The following BTBD9 variants were observed in gnomAD, a reference collection of about 807,000 sequenced individuals.
BTBD9 encodes the protein BTB/POZ domain-containing protein 9.
Under a neutral mutation model 64.3 loss-of-function variants are expected in BTBD9, and 49 were observed. That is an observed-to-expected ratio of 0.76 (90% CI 0.61 to 0.97). The LOEUF (loss-of-function observed/expected upper bound fraction) is 0.97, where lower values mean the gene tolerates loss of function less well. Ranked by LOEUF, BTBD9 falls within the 50% of genes least tolerant of loss-of-function variation. The probability of loss-of-function intolerance (pLI) is 0.00; values close to 1 mark genes in which losing one functional copy is unlikely to be tolerated. For synonymous variants in BTBD9, 260 were observed against 274.7 expected (o/e 0.95, Z 0.53); for missense variants, 598 against 762.1 (o/e 0.78, Z 2.53).
chr6:38,200,793 G>A (rs1362869676), intron 9 of BTBD9, among the ~76,000 whole-genome samples: 1 of 152,150 alleles, frequency 6.6e-6, no homozygotes, highest in Non-Finnish European at 1.5e-5. Context: ...ACAAAGAAAA[G>A]CTCAGGACCT....
At chr6:38,242,799 C>G (rs9296241) in intron 9 of BTBD9, among the ~76,000 whole-genome samples, 16,249 of 152,276 alleles carry the variant, frequency 0.11, 1,278 homozygotes, top group East Asian at 0.45. Flanking sequence ...GGAAAAGCTG[C>G]TCCTATACTT....
chr6:38,622,971 T>C (rs1211867120), intron 1 of BTBD9, among the ~76,000 whole-genome samples: 4 of 152,168 alleles, frequency 2.6e-5, no homozygotes, highest in East Asian at 3.8e-4. Flanking sequence ...TGGTTCCTAG[T>C]AGATACAAAA....
intron 6 of BTBD9, among the ~76,000 whole-genome samples, chr6:38,406,406 CTG>C (rs1767166508): frequency 6.6e-6 from 1 of 152,102 alleles, no homozygotes; most frequent in Non-Finnish European, 1.5e-5. Context: ...CCACATCACA[CTG>C]TAGAGGAATA....
chr6:38,498,242 G>T (rs1346280531), intron 6 of BTBD9, among the ~76,000 whole-genome samples: 1 of 152,132 alleles, frequency 6.6e-6, no homozygotes, highest in East Asian at 1.9e-4. Context: ...CCACAACTAG[G>T]TTGTTCCAGG....
intron 9 of BTBD9, among the ~76,000 whole-genome samples, chr6:38,195,883 G>A (rs541030322): frequency 7.9e-5 from 12 of 152,306 alleles, no homozygotes; most frequent in South Asian, 2.1e-4. Context: ...AGCTTTGGAC[G>A]GAAGAATTTC....
At chr6:38,234,647 C>A (rs1215560808) in intron 9 of BTBD9, among the ~76,000 whole-genome samples, 1 of 152,132 alleles carries the variant, frequency 6.6e-6, no homozygotes, top group African/African-American at 2.4e-5. Flanking sequence ...GCCCTTGGAG[C>A]CCAGCACCAA....
chr6:38,471,389 C>T (rs75346658), intron 6 of BTBD9, among the ~76,000 whole-genome samples: 2,711 of 152,226 alleles, frequency 0.018, 73 homozygotes, highest in African/African-American at 0.061. Flanking sequence ...CCCAAGGAAT[C>T]CGACCCACTA....
intron 6 of BTBD9, among the ~76,000 whole-genome samples, chr6:38,456,170 T>C (rs546868450): frequency 6.6e-6 from 1 of 152,050 alleles, no homozygotes; most frequent in South Asian, 2.1e-4. Context: ...GTATCTTTAG[T>C]AGACAGGAGG....
chr6:38,312,698 C>T (rs891453826), intron 7 of BTBD9, among the ~76,000 whole-genome samples: 3 of 152,152 alleles, frequency 2.0e-5, no homozygotes, highest in African/African-American at 7.2e-5. Flanking sequence ...GCACCTTTGT[C>T]GAAAATGAGT....
chr6:38,312,143 G>A (rs111656801), intron 7 of BTBD9, among the ~76,000 whole-genome samples: 4,616 of 152,050 alleles, frequency 0.03, 220 homozygotes, highest in African/African-American at 0.11. Context: ...TTACAGGAGT[G>A]AGCCACCATG....
At chr6:38,530,630 A>G (rs1409380777) in intron 6 of BTBD9, among the ~76,000 whole-genome samples, 1 of 97,250 alleles carries the variant, frequency 1.0e-5, no homozygotes, top group East Asian at 2.1e-4. Flanking sequence ...TCACAAAACA[A>G]ACTAAATAAG....
intron 7 of BTBD9, among the ~76,000 whole-genome samples, chr6:38,290,143 C>T (rs973629405): frequency 6.8e-6 from 1 of 147,062 alleles, no homozygotes; most frequent in Non-Finnish European, 1.5e-5. Context: ...CTGAGTAAAG[C>T]CACCCACAGA....
intron 6 of BTBD9, among the ~76,000 whole-genome samples, chr6:38,373,185 G>A (rs564736207): frequency 2.6e-5 from 4 of 152,088 alleles, no homozygotes; most frequent in Non-Finnish European, 4.4e-5. Flanking sequence ...GAACAGCACC[G>A]AAAATAATCT....
At chr6:38,427,714 A>G (rs1453721118) in intron 6 of BTBD9, among the ~76,000 whole-genome samples, 2 of 152,012 alleles carry the variant, frequency 1.3e-5, no homozygotes, top group Non-Finnish European at 2.9e-5. Context: ...GAACTAACAA[A>G]AAGAAGAGAA....
chr6:38,584,168 A>C (rs1050878649), intron 4 of BTBD9, among the ~76,000 whole-genome samples: 1 of 152,128 alleles, frequency 6.6e-6, no homozygotes, highest in Non-Finnish European at 1.5e-5. Context: ...CTCTACTAAA[A>C]ATACAAAAAA....
intron 6 of BTBD9, among the ~76,000 whole-genome samples, chr6:38,429,985 T>G (rs1360300338): frequency 6.6e-6 from 1 of 151,996 alleles, no homozygotes; most frequent in Non-Finnish European, 1.5e-5. Flanking sequence ...TCATTTAATC[T>G]CCCTTTGATT....
intron 1 of BTBD9, among the ~76,000 whole-genome samples, chr6:38,628,915 C>G (rs1358270568): frequency 1.3e-5 from 2 of 151,950 alleles, no homozygotes; most frequent in African/African-American, 2.4e-5. Flanking sequence ...ATGAGATAAA[C>G]CTGGTCTCTC....
chr6:38,331,268 C>T (rs960567891), intron 7 of BTBD9, among the ~76,000 whole-genome samples: 2 of 152,162 alleles, frequency 1.3e-5, no homozygotes, highest in African/African-American at 2.4e-5. Context: ...TTGCTTGAGG[C>T]CAGGTGTTTG....
intron 6 of BTBD9, among the ~76,000 whole-genome samples, chr6:38,370,515 A>C (rs1765375075): frequency 1.3e-5 from 2 of 152,228 alleles, no homozygotes; most frequent in South Asian, 4.1e-4. Context: ...ATGACTTTCT[A>C]GTACTTTCAC....
Sources: gnomAD v4.1 joint callset for allele counts (sites outside exome capture counted in the v4.1 genomes callset) on GRCh38, gnomAD v4.1.1 for gene constraint, MANE v1.5 for transcripts, NCBI Gene and HGNC (gene_info 2026-07-23, HGNC 2026-07-21) for gene names.